KIF14: variants seen among roughly 807,000 people sequenced by gnomAD.
KIF14 encodes kinesin-like protein KIF14.
Under a neutral mutation model 176.2 loss-of-function variants are expected in KIF14, and 98 were observed. The ratio of observed to expected loss-of-function variants is 0.56; its 90% CI spans 0.47 to 0.66. The LOEUF is 0.66. Ranked by LOEUF, KIF14 falls within the 30% of genes least tolerant of loss-of-function variation. KIF14 has a pLI of 0.00. For missense variants in KIF14, 1,751 were observed against 1,920.4 expected (o/e 0.91, Z 1.65); for synonymous variants, 566 against 632.2 (o/e 0.90, Z 1.57).
At chr1:200,587,517 A>G (rs1379080759) in intron 18 of KIF14, among the ~76,000 whole-genome samples, 1 of 152,102 alleles carries the variant, frequency 6.6e-6, no homozygotes, top group Non-Finnish European at 1.5e-5. Context: ...AAGCCCAATA[A>G]TAATAATTGT....
chr1:200,609,611 T>G (rs1432410231), intron 4 of KIF14, among the ~76,000 whole-genome samples: 1 of 152,230 alleles, frequency 6.6e-6, no homozygotes, highest in Non-Finnish European at 1.5e-5. Flanking sequence ...ATTGTGCTAC[T>G]GCACTCCAGC....
In KIF14 at chr1:200,608,861, C is replaced by T. The variant is rs377030917; in HGVS notation, c.1523G>A (p.Cys508Tyr). ...CTTTCTCTGCCCATTTTCATCTTTA[C>T]AAACCAGAAGGTCGTGAATTTTTTC... The part of the protein sequence containing the change: ...YNEKIHDLLV[C>Y]KDENGQRKQP... The change falls in exon 5 of 30, where the codon TGT (cysteine) becomes TAT (tyrosine). Residue 508 changes from cysteine (C) to tyrosine (Y), a missense_variant. Transcript: ENST00000367350. 5 of 1,609,122 alleles carry T rather than the reference C, an allele frequency of 3.1e-6. No individual in the cohort carries two copies. The highest frequency in any genetic ancestry group is 1.7e-4 in the Middle Eastern group (1 of 5,998).
Position 200,618,090 on chromosome 1 carries a change from G to A in KIF14, c.634C>T (p.Leu212Phe). 6.2e-7 allele frequency: 1 copy of A among 1,614,126 alleles called. No individual in the cohort carries two copies. Among genetic ancestry groups the A allele is most frequent in the East Asian group, 2.2e-5 (1 of 44,882 alleles). ...GGTGGTCTATTACTTGAGTACTTAA[G>A]TGCAACATTTTCATTTGCTCTACTG... is the stretch of plus-strand genomic sequence containing the variant. The part of the protein sequence containing the change: ...APSRANENVA[L>F]KYSSNRPPIA... Residue 212 changes from leucine to phenylalanine, a missense_variant, in exon 2 of 30, where the codon CTT becomes TTT. Coordinates refer to ENST00000367350, the MANE Select transcript of KIF14 (RefSeq NM_014875.3).
At chr1:200,575,461 C>T (rs1658042763) in intron 22 of KIF14, 130 bp downstream of exon 22, 1 of 439,190 alleles carries the variant, frequency 2.3e-6, no homozygotes, top group East Asian at 3.4e-5. Context: ...GTTTCCTGTC[C>T]AGACATCTAT....
chr1:200,592,942 T>G (rs1204448848), intron 15 of KIF14, among the ~76,000 whole-genome samples: 1 of 152,024 alleles, frequency 6.6e-6, no homozygotes, highest in Non-Finnish European at 1.5e-5. Flanking sequence ...ACAGTAAAAA[T>G]ACAGTATTAT....
intron 18 of KIF14, among the ~76,000 whole-genome samples, chr1:200,586,838 C>A (rs1174854567): frequency 6.9e-6 from 1 of 145,458 alleles, no homozygotes; most frequent in Non-Finnish European, 1.5e-5. Context: ...TACTACCCAG[C>A]AATAAAAAAG....
In KIF14 at chr1:200,620,674, C is replaced by G. The variant is rs1253010725; in HGVS notation, c.-379G>C. On this transcript the variant is annotated 5_prime_UTR_variant, in exon 1 of 30. Coordinates refer to ENST00000367350, the MANE Select transcript of KIF14 (RefSeq NM_014875.3). ...TTCGCCCCTCCGCAGGGTCCGGCAC[C>G]TTGGGGACCCCCTCGACACAGTCCC... is the stretch of plus-strand genomic sequence containing the variant. 3 of 152,382 alleles carry G rather than the reference C, an allele frequency of 2.0e-5. No homozygotes were observed. Among genetic ancestry groups the G allele is most frequent in the African/African-American group, 7.2e-5 (3 of 41,466 alleles). 9.4% of individuals were successfully genotyped at this position (152,382 alleles called of 1,614,324 possible).
chr1:200,598,967 TC>T (rs1659498389), intron 13 of KIF14, among the ~76,000 whole-genome samples: 1 of 152,158 alleles, frequency 6.6e-6, no homozygotes, highest in Non-Finnish European at 1.5e-5. Flanking sequence ...CAATCTATCA[TC>T]ACCAAATTGT....
At chr1:200,619,619 G>A (rs1660588462) in intron 1 of KIF14, among the ~76,000 whole-genome samples, 1 of 152,216 alleles carries the variant, frequency 6.6e-6, no homozygotes, top group Admixed American at 6.5e-5. Context: ...CCAAAGTGCT[G>A]GGATTACAGG....
chr1:200,586,399 A>T (rs916891225), intron 18 of KIF14, among the ~76,000 whole-genome samples, 172 bp from the exon 19 acceptor site: 2 of 151,936 alleles, frequency 1.3e-5, no homozygotes, highest in Non-Finnish European at 2.9e-5. Flanking sequence ...AACCTATTTT[A>T]AAAAAACAGA....
chr1:200,615,078 T>TAAC (rs1194521254), intron 3 of KIF14, among the ~76,000 whole-genome samples: 1 of 152,178 alleles, frequency 6.6e-6, no homozygotes, highest in African/African-American at 2.4e-5. Flanking sequence ...ACTTAAAAGA[T>TAAC]AACCTCTCTA....
At chr1:200,598,470 G>C (rs770724376) in intron 13 of KIF14, 49 bp from the exon 14 acceptor site, 2 of 1,403,544 alleles carry the variant, frequency 1.4e-6, no homozygotes, top group South Asian at 2.6e-5. Flanking sequence ...GTATGAAATT[G>C]TTAAATTCAC....
intron 20 of KIF14, 26 bp from the exon 21 acceptor site, chr1:200,580,409 G>C: frequency 7.1e-7 from 1 of 1,408,788 alleles, no homozygotes; most frequent in Non-Finnish European, 9.4e-7. Flanking sequence ...ACAAAAAAAA[G>C]CTTATCCTGA....
rs180915000 is a variant in KIF14 at position 200,557,301 on chromosome 1, C to T, written c.4354-1847G>A. On this transcript the variant is annotated intron_variant, in intron 27 of 29. Transcript: ENST00000367350. ...ACAGGCATGAGCCACCGCGCCCAGC[C>T]GTGTTTTTATTTTTTAAAACAAAAA... 2.8e-4 allele frequency among the ~76,000 whole-genome samples: 43 copies of T among 152,104 alleles called. No homozygotes were observed. The East Asian group carries it at 6.2e-3, about 22-fold the overall frequency.
At chr1:200,566,152 G>A (rs776427660) in intron 23 of KIF14, among the ~76,000 whole-genome samples, 2 of 151,998 alleles carry the variant, frequency 1.3e-5, no homozygotes, top group African/African-American at 2.4e-5. Flanking sequence ...CCTCTCAACC[G>A]CATCAATCCA....
Position 200,553,211 on chromosome 1 carries a change from C to G in KIF14, c.*177G>C. On this transcript the variant is annotated 3_prime_UTR_variant, in exon 30 of 30. Coordinates refer to ENST00000367350, the MANE Select transcript of KIF14 (RefSeq NM_014875.3). ...CCCGCCTCCCAAAGTGCTGGGATTA[C>G]AGGCGTGAGCCACTGTGTCTGGCCT... The G allele has an allele frequency of 1.7e-6, 1 of 590,530 alleles. No homozygotes were observed. The highest frequency in any genetic ancestry group is 2.7e-6 in the Non-Finnish European group (1 of 373,254). 36.6% of individuals were successfully genotyped at this position (590,530 alleles called of 1,614,324 possible).
rs770538724 is a variant in KIF14, at chr1:200,601,959, G to C, written c.2089C>G (p.Gln697Glu). 5.0e-6 allele frequency: 8 copies of C among 1,613,674 alleles called. No homozygotes were observed. The highest frequency in any genetic ancestry group is 6.8e-6 in the Non-Finnish European group (8 of 1,179,702). The part of the protein sequence containing the change: ...ETLSTLRYAN[Q>E]ARLIVNIAKV... ...GCAATGTTGACTATTAAACGGGCTTGGTTAGCATATCTAAGTGTGCTTAAT... is the reference window on the plus strand; with the variant it reads ...GCAATGTTGACTATTAAACGGGCTTCGTTAGCATATCTAAGTGTGCTTAAT... Residue 697 changes from glutamine (Q) to glutamate (E), a missense_variant, in exon 11 of 30, where the codon CAA becomes GAA. Coordinates refer to ENST00000367350, the MANE Select transcript of KIF14 (RefSeq NM_014875.3).
At chr1:200,589,524 T>C (rs201828349) in intron 17 of KIF14, among the ~76,000 whole-genome samples, 155 bp from the exon 18 acceptor site, 3 of 16,454 alleles carry the variant, frequency 1.8e-4, no homozygotes, top group African/African-American at 4.1e-4. Context: ...CTAAAAATAC[T>C]TAAGAGTATT....
intron 27 of KIF14, among the ~76,000 whole-genome samples, chr1:200,556,347 T>C (rs1571447441): frequency 1.3e-5 from 2 of 152,230 alleles, no homozygotes; most frequent in East Asian, 3.8e-4. Context: ...CAAATTATTT[T>C]TCCTTCCTGA....
Sources: gnomAD v4.1 joint callset for allele counts (sites outside exome capture counted in the v4.1 genomes callset) on GRCh38, gnomAD v4.1.1 for gene constraint, MANE v1.5 for transcripts, NCBI Gene and HGNC (gene_info 2026-07-23, HGNC 2026-07-21) for gene names.